ESPNL: variants seen among roughly 807,000 people sequenced by gnomAD.
The protein encoded by ESPNL is espin-like protein.
Under a neutral mutation model 46.8 loss-of-function variants are expected in ESPNL, and 49 were observed. The ratio of observed to expected loss-of-function variants is 1.05; its 90% CI spans 0.83 to 1.33. The LOEUF is 1.33. ESPNL is among the 40% of genes most tolerant of loss of function. ESPNL has a pLI of 0.00. For missense variants in ESPNL, 1,540 were observed against 1,436.6 expected (o/e 1.07, Z -1.16); for synonymous variants, 664 against 662.1 (o/e 1.00, Z -0.04).
intron 3 of ESPNL, among the ~76,000 whole-genome samples, chr2:238,107,441 G>A (rs56146881): frequency 0.14 from 16,171 of 116,892 alleles, 951 homozygotes; most frequent in African/African-American, 0.25. Context: ...TTCCCTCCCC[G>A]CCCCTCCCTC....
rs1692376853 is a variant in ESPNL, at chr2:238,132,997, T to A, written c.*1265T>A. On this transcript the variant is annotated 3_prime_UTR_variant, in exon 9 of 9. Coordinates refer to ENST00000343063, the MANE Select transcript of ESPNL (RefSeq NM_194312.4). ...CCCTGGGGATTGTCCAGGCAAAACC[T>A]GGAGGGCAGCGGGCAAGCTGTTGGA... The A allele has an allele frequency of 6.6e-6, 1 of 152,204 alleles. No individual in the cohort carries two copies. Among genetic ancestry groups the A allele is most frequent in the Non-Finnish European group, 1.5e-5 (1 of 68,054 alleles). The allele number at this position is 152,204 out of a possible 1,614,324, so 9.4% of individuals were successfully genotyped here.
Position 238,100,563 on chromosome 2 carries a change from C to T in ESPNL, c.144C>T (p.His48=), listed in dbSNP as rs767029267. ...GLVHHATRAG[H]LDCVKFLVQR... ...TTCACCACGCCACCCGGGCTGGCCA[C>T]CTGGACTGCGTCAAGTTCTTGGTGC... The change falls in exon 1 of 9, where the codon CAC becomes CAT. Residue 48 remains histidine (H), a synonymous_variant. Transcript: ENST00000343063. 6.3e-7 allele frequency: 1 copy of T among 1,587,352 alleles called. No individual in the cohort carries two copies. The highest frequency in any genetic ancestry group is 1.8e-5 in the Admixed American group (1 of 56,036).
At chr2:238,129,310 C>T (rs1692223971) in intron 8 of ESPNL, 1 of 1,002,956 alleles carries the variant, frequency 1.0e-6, no homozygotes, top group Non-Finnish European at 1.2e-6. Context: ...TATATGGGTG[C>T]TTAGGGGGCC....
chr2:238,104,841 T>G lies in ESPNL; in HGVS notation c.671T>G (p.Leu224Arg). ...ARGHYSLVVWLVTFTDIGLTA... is the reference protein window; with the variant it reads ...ARGHYSLVVWRVTFTDIGLTA... ...GGCCACTACTCCCTCGTCGTCTGGC[T>G]GGTAAGTGGGTGCCAGAGGTGGGAA... is the stretch of plus-strand genomic sequence containing the variant. Residue 224 changes from leucine (L) to arginine (R), a missense_variant and splice_region_variant, in exon 3 of 9, where the codon CTG (leucine) becomes CGG (arginine). Leu to Arg is a moderately radical substitution (Grantham distance 102, BLOSUM62 -2). Transcript: ENST00000343063. The G allele has an allele frequency of 1.3e-6, 2 of 1,498,120 alleles. No individual in the cohort carries two copies. The highest frequency in any genetic ancestry group is 1.8e-6 in the Non-Finnish European group (2 of 1,120,710). The allele number at this position is 1,498,120 out of a possible 1,614,324, so 92.8% of individuals were successfully genotyped here. A position where few individuals can be genotyped will look rare whatever the true frequency, so the allele number is the denominator to read the frequency against.
intron 4 of ESPNL, among the ~76,000 whole-genome samples, chr2:238,109,009 C>T (rs1691661850): frequency 6.6e-6 from 1 of 152,224 alleles, no homozygotes; most frequent in Non-Finnish European, 1.5e-5. Flanking sequence ...CTCACCATCC[C>T]CCGTCCACTC....
intron 3 of ESPNL, among the ~76,000 whole-genome samples, 163 bp downstream of exon 3, chr2:238,105,005 G>A (rs867603220): frequency 3.3e-5 from 5 of 152,104 alleles, no homozygotes; most frequent in African/African-American, 7.2e-5. Context: ...CTGCAGCTCC[G>A]GCCAGGCTGG....
chr2:238,104,125 G>A (rs895815499), intron 2 of ESPNL, among the ~76,000 whole-genome samples: 1 of 152,180 alleles, frequency 6.6e-6, no homozygotes, highest in Non-Finnish European at 1.5e-5. Context: ...GGAAGGGCCC[G>A]GAGGTGGAGG....
rs1692314568 is a variant in ESPNL, at chr2:238,131,059, C to G, written c.2345C>G (p.Pro782Arg). The change falls in exon 9 of 9, where the codon CCT becomes CGT. Residue 782 changes from proline to arginine, a missense_variant. Coordinates refer to ENST00000343063, the MANE Select transcript of ESPNL (RefSeq NM_194312.4). Reference sequence around the variant, plus strand: ...CGGGGCCAGGAGGCCGCCAGGAGCCCTGGGCCACCCTCCCCGCCCAGCGAG... The same window carrying G: ...CGGGGCCAGGAGGCCGCCAGGAGCCGTGGGCCACCCTCCCCGCCCAGCGAG... The part of the protein sequence containing the change: ...GLRGQEAARS[P>R]GPPSPPSEGP... 1 of 1,539,068 alleles carries G rather than the reference C, an allele frequency of 6.5e-7. No homozygotes were observed. Among genetic ancestry groups the G allele is most frequent in the Admixed American group, 2.0e-5 (1 of 50,714 alleles).
At chr2:238,101,158 C>T (rs1365692430) in intron 1 of ESPNL, among the ~76,000 whole-genome samples, 2 of 152,148 alleles carry the variant, frequency 1.3e-5, no homozygotes, top group East Asian at 1.9e-4. Context: ...TTCTACTGGG[C>T]CCCCCTCCCC....
At position 238,131,874 on chromosome 2, in the gene ESPNL, C is replaced by T; in HGVS notation, c.*142C>T. 1 of 896,342 alleles carries T rather than the reference C, an allele frequency of 1.1e-6. No individual in the cohort carries two copies. Among genetic ancestry groups the T allele is most frequent in the Non-Finnish European group, 1.7e-6 (1 of 585,292 alleles). 55.5% of individuals were successfully genotyped at this position (896,342 alleles called of 1,614,324 possible). ...CTACCAGTTATCGGAGGCTGCGGGA[C>T]TGTTCTGTTGTGGCATGGTTCTCCT... On this transcript the variant is annotated 3_prime_UTR_variant, in exon 9 of 9. Coordinates refer to ENST00000343063, the MANE Select transcript of ESPNL (RefSeq NM_194312.4).
chr2:238,125,963 CTGTG>C (rs945262092), intron 6 of ESPNL, among the ~76,000 whole-genome samples: 3 of 151,358 alleles, frequency 2.0e-5, no homozygotes, highest in East Asian at 1.9e-4. Flanking sequence ...GGACCCTTCT[CTGTG>C]TGTGATTGTG....
chr2:238,110,729 C>T (rs1474248734), intron 4 of ESPNL, among the ~76,000 whole-genome samples: 1 of 146,850 alleles, frequency 6.8e-6, no homozygotes, highest in Non-Finnish European at 1.5e-5. Flanking sequence ...ATTTAGGTTG[C>T]CATATGATAC....
In ESPNL at chr2:238,131,129, C is replaced by T. The variant is rs1431797866; in HGVS notation, c.2415C>T (p.Thr805=). The T allele has an allele frequency of 1.3e-6, 2 of 1,545,718 alleles. No homozygotes were observed. Among genetic ancestry groups the T allele is most frequent in the Non-Finnish European group, 1.7e-6 (2 of 1,146,856 alleles). ...TGTGGCAGCAGCGCAGCACCATCACCCACCTGCTGGGCAACTGGAAGGCCA... is the reference window on the plus strand; with the variant it reads ...TGTGGCAGCAGCGCAGCACCATCACTCACCTGCTGGGCAACTGGAAGGCCA... The part of the protein sequence containing the change: ...GHLWQQRSTI[T]HLLGNWKAIM... Residue 805 remains threonine, a synonymous_variant, in exon 9 of 9, where the codon ACC becomes ACT. Coordinates refer to ENST00000343063, the MANE Select transcript of ESPNL (RefSeq NM_194312.4).
chr2:238,108,457 C>G (rs1691647888), intron 4 of ESPNL, among the ~76,000 whole-genome samples: 1 of 152,204 alleles, frequency 6.6e-6, no homozygotes, highest in Non-Finnish European at 1.5e-5. Flanking sequence ...CACACCCAGC[C>G]TTTGAGGGTG....
chr2:238,116,560 C>G (rs1293754321), intron 4 of ESPNL, among the ~76,000 whole-genome samples: 1 of 152,226 alleles, frequency 6.6e-6, no homozygotes, highest in Non-Finnish European at 1.5e-5. Context: ...TTGATCCACA[C>G]CTCCAAGGGT....
At chr2:238,107,385 G>T (rs1691618838) in intron 3 of ESPNL, among the ~76,000 whole-genome samples, 1 of 152,204 alleles carries the variant, frequency 6.6e-6, no homozygotes, top group African/African-American at 2.4e-5. Flanking sequence ...GGGGCTCAGT[G>T]CAAATGCCCA....
rs201071643 is a variant in ESPNL at position 238,107,922 on chromosome 2, C to T, written c.804C>T (p.Asp268=). The change falls in exon 4 of 9, where the codon GAC becomes GAT. Residue 268 remains aspartate (D), a synonymous_variant. Coordinates refer to ENST00000343063, the MANE Select transcript of ESPNL (RefSeq NM_194312.4). ...LLLMGTPILR[D]SWGGTPLHDA... is the part of the protein sequence containing the mutation. ...TCATGGGTACCCCCATCCTGAGAGA[C>T]TCCTGGGGTGGGACCCCCCTCCACG... 62 of 1,612,942 alleles carry T rather than the reference C, an allele frequency of 3.8e-5. No individual in the cohort carries two copies. The Admixed American group carries it at 5.2e-4, about 13-fold the overall frequency.
At position 238,101,929 on chromosome 2, in the gene ESPNL, G is replaced by C; in HGVS notation, c.295-12G>C. 3 of 1,600,928 alleles carry C rather than the reference G, an allele frequency of 1.9e-6. No homozygotes were observed. Among genetic ancestry groups the C allele is most frequent in the Non-Finnish European group, 2.6e-6 (3 of 1,175,860 alleles). On this transcript the variant is annotated splice_polypyrimidine_tract_variant and intron_variant, in intron 1 of 8. Coordinates refer to ENST00000343063, the MANE Select transcript of ESPNL (RefSeq NM_194312.4). ...CTACCCCCCACTCACTGACCTACCC[G>C]GGGCTTGGTAGGACCAAGATGCCTC...
chr2:238,121,733 C>T (rs543771102), intron 5 of ESPNL, among the ~76,000 whole-genome samples: 46 of 152,350 alleles, frequency 3.0e-4, no homozygotes, highest in Non-Finnish European at 1.0e-4. Flanking sequence ...AGAAGCTCCT[C>T]GAGCACCCAA....
Sources: allele counts gnomAD v4.1 joint callset (sites outside exome capture counted in the v4.1 genomes callset), GRCh38; gene constraint gnomAD v4.1.1; transcripts MANE v1.5; gene names NCBI Gene and HGNC (gene_info 2026-07-23, HGNC 2026-07-21).